The following FGGY variants were observed in gnomAD, a reference collection of about 807,000 sequenced individuals.
FGGY encodes FGGY carbohydrate kinase domain containing.
FGGY carries 72 observed loss-of-function variants against 71.3 expected under a neutral mutation model. The observed-to-expected ratio is 1.01, with a 90% CI of 0.84 to 1.23. The LOEUF (loss-of-function observed/expected upper bound fraction) is 1.23, where lower values mean the gene tolerates loss of function less well. Ranked by LOEUF, FGGY falls within the 50% of genes most tolerant of loss-of-function variation. The probability of loss-of-function intolerance (pLI) is 0.00; values close to 1 mark genes in which losing one functional copy is unlikely to be tolerated. For missense variants in FGGY, 668 were observed against 682.3 expected, an observed-to-expected ratio of 0.98 and a Z score of 0.23; for synonymous variants, 251 against 250.3, an observed-to-expected ratio of 1.00 and a Z score of -0.02.
chr1:59,694,525 A>G (rs1180364984), intron 14 of FGGY, among the ~76,000 whole-genome samples: 1 of 152,112 alleles, frequency 6.6e-6, no homozygotes, highest in Admixed American at 6.5e-5. Flanking sequence ...TCAATGGGAA[A>G]GGGACAACCA....
At chr1:59,574,657 A>G (rs1029611887) in intron 8 of FGGY, among the ~76,000 whole-genome samples, 2 of 152,216 alleles carry the variant, frequency 1.3e-5, no homozygotes, top group African/African-American at 4.8e-5. Flanking sequence ...ATAGTGAAGG[A>G]ACAAAGATAA....
At chr1:59,313,226 A>T (rs1200323255) in intron 1 of FGGY, among the ~76,000 whole-genome samples, 2 of 152,168 alleles carry the variant, frequency 1.3e-5, no homozygotes, top group South Asian at 4.1e-4. Flanking sequence ...TCATGACCTC[A>T]TCATCTCCCA....
Position 59,650,237 on chromosome 1 carries a change from G to A in FGGY, c.1222-9982G>A, listed in dbSNP as rs372271649. ...TTTTTTTTGTTGTGTCTCTGCCAGGGTTTGGTATCAGGATGATGCTGGCCT... is the reference window on the plus strand; with the variant it reads ...TTTTTTTTGTTGTGTCTCTGCCAGGATTTGGTATCAGGATGATGCTGGCCT... On this transcript the variant is annotated intron_variant, in intron 11 of 15. Transcript: ENST00000303721. 2.1e-5 allele frequency among the ~76,000 whole-genome samples: 3 copies of A among 146,068 alleles called. 1 individual carries two copies. In the South Asian group the frequency reaches 6.3e-4, roughly 31 times the overall value.
intron 5 of FGGY, among the ~76,000 whole-genome samples, chr1:59,402,499 T>C (rs763049958): frequency 5.3e-5 from 8 of 152,214 alleles, no homozygotes; most frequent in Non-Finnish European, 1.0e-4. Context: ...TGTTGCATAG[T>C]AGACATTTGG....
At chr1:59,718,239 A>G (rs145848051) in intron 14 of FGGY, among the ~76,000 whole-genome samples, 61 of 152,302 alleles carry the variant, frequency 4.0e-4, no homozygotes, top group African/African-American at 1.3e-3. Flanking sequence ...CATTCTTTCT[A>G]TCAGATCACA....
intron 14 of FGGY, among the ~76,000 whole-genome samples, chr1:59,751,217 T>G (rs917597761): frequency 2.0e-5 from 3 of 152,246 alleles, no homozygotes; most frequent in Non-Finnish European, 4.4e-5. Context: ...AAAGTGGTGA[T>G]AGATGATCTG....
intron 8 of FGGY, among the ~76,000 whole-genome samples, chr1:59,557,523 A>G (rs1017530724): frequency 6.6e-6 from 1 of 152,228 alleles, no homozygotes; most frequent in Non-Finnish European, 1.5e-5. Context: ...GGTTGAACAT[A>G]AGACATGTTA....
At chr1:59,628,157 A>G (rs762392810) in intron 10 of FGGY, among the ~76,000 whole-genome samples, 1 of 152,206 alleles carries the variant, frequency 6.6e-6, no homozygotes, top group Non-Finnish European at 1.5e-5. Context: ...ATAACTTTCC[A>G]GTAGTATATA....
At chr1:59,728,023 C>T (rs2097970101) in intron 14 of FGGY, among the ~76,000 whole-genome samples, 1 of 152,068 alleles carries the variant, frequency 6.6e-6, no homozygotes, top group Non-Finnish European at 1.5e-5. Context: ...TTAGACAATT[C>T]ACATTTAAAG....
chr1:59,586,117 C>T (rs577978155), intron 8 of FGGY, among the ~76,000 whole-genome samples: 7 of 152,146 alleles, frequency 4.6e-5, no homozygotes, highest in African/African-American at 1.4e-4. Context: ...CCTCAGGGAT[C>T]TAGAACTAGA....
At chr1:59,557,461 C>T (rs866620260) in intron 8 of FGGY, among the ~76,000 whole-genome samples, 1 of 152,146 alleles carries the variant, frequency 6.6e-6, no homozygotes, top group African/African-American at 2.4e-5. Context: ...TACTTAGAAG[C>T]TTCGTACCTC....
At chr1:59,435,745 C>CGTGTGTGTGTGT (rs10563712) in intron 5 of FGGY, among the ~76,000 whole-genome samples, 104 of 142,248 alleles carry the variant, frequency 7.3e-4, no homozygotes, top group Non-Finnish European at 1.2e-3. Context: ...TGTGTGCCTG[C>CGTGTGTGTGTGT]GTGTGTGTGT....
chr1:59,384,649 C>G (rs1571402621), intron 5 of FGGY, among the ~76,000 whole-genome samples: 1 of 152,092 alleles, frequency 6.6e-6, no homozygotes, highest in East Asian at 1.9e-4. Flanking sequence ...TGTGGTCAGA[C>G]TGATCTGGTT....
At chr1:59,713,193 C>T (rs996450160) in intron 14 of FGGY, among the ~76,000 whole-genome samples, 1 of 152,178 alleles carries the variant, frequency 6.6e-6, no homozygotes, top group Non-Finnish European at 1.5e-5. Flanking sequence ...TCTTCATCTC[C>T]GTCTGATACC....
At chr1:59,613,496 T>C (rs895484495) in intron 9 of FGGY, among the ~76,000 whole-genome samples, 3 of 152,002 alleles carry the variant, frequency 2.0e-5, no homozygotes, top group East Asian at 1.9e-4. Context: ...ACCTTCAAAG[T>C]AGTGTGTAGA....
rs773100282 is a variant in FGGY, at chr1:59,607,834, T to C, written c.935T>C (p.Val312Ala). ...ISKDPIFVPGVWGPYFSAMVP... is the reference protein window; with the variant it reads ...ISKDPIFVPGAWGPYFSAMVP... ...AAAGACCCGATTTTTGTACCAGGCG[T>C]CTGGGGGCCTTATTTCTCAGCCATG... Residue 312 changes from valine to alanine, a missense_variant, in exon 9 of 16, where the codon GTC becomes GCC. By Grantham distance (64) the Val-to-Ala change is moderately conservative. Transcript: ENST00000303721. The C allele has an allele frequency of 6.2e-7, 1 of 1,613,948 alleles. No homozygotes were observed. Among genetic ancestry groups the C allele is most frequent in the African/African-American group, 1.3e-5 (1 of 74,904 alleles).
intron 8 of FGGY, among the ~76,000 whole-genome samples, chr1:59,588,326 C>T (rs2096353864): frequency 6.6e-6 from 1 of 151,944 alleles, no homozygotes; most frequent in Non-Finnish European, 1.5e-5. Context: ...GATTGGTGTA[C>T]CTGAAAGTGA....
chr1:59,480,607 G>T (rs1434831064), intron 6 of FGGY, among the ~76,000 whole-genome samples: 1 of 152,172 alleles, frequency 6.6e-6, no homozygotes, highest in Non-Finnish European at 1.5e-5. Context: ...TATTTAAAAA[G>T]AAGAGGAGGA....
At chr1:59,546,589 G>T (rs1027014755) in intron 7 of FGGY, among the ~76,000 whole-genome samples, 3 of 151,750 alleles carry the variant, frequency 2.0e-5, no homozygotes, top group African/African-American at 4.8e-5. Flanking sequence ...CAGTGCAATG[G>T]CGCGATCTCG....
Sources: allele counts gnomAD v4.1 joint callset (sites outside exome capture counted in the v4.1 genomes callset), GRCh38; gene constraint gnomAD v4.1.1; transcripts MANE v1.5; gene names NCBI Gene and HGNC (gene_info 2026-07-23, HGNC 2026-07-21).